The following TFEC variants were observed in gnomAD, a reference collection of about 807,000 sequenced individuals.
TFEC encodes class E basic helix-loop-helix protein 34.
TFEC carries 31 observed loss-of-function variants against 41.6 expected under a neutral mutation model. The ratio of observed to expected loss-of-function variants is 0.74; its 90% CI spans 0.56 to 1.01. The LOEUF is 1.01. Among genes scored for constraint, TFEC ranks in the 50% least tolerant of loss-of-function variants. The pLI is 0.00. For synonymous variants in TFEC, 143 were observed against 140.6 expected (o/e 1.02, Z -0.12); for missense variants, 402 against 404.1 (o/e 0.99, Z 0.04).
At chr7:116,026,448 T>C (rs1384320050) in intron 1 of TFEC, among the ~76,000 whole-genome samples, 2 of 152,234 alleles carry the variant, frequency 1.3e-5, no homozygotes, top group Non-Finnish European at 2.9e-5. Flanking sequence ...GCATACCTTA[T>C]CCATCTTAGC....
At chr7:116,094,269 A>G (rs964469562) in intron 3 of TFEC, among the ~76,000 whole-genome samples, 1 of 152,196 alleles carries the variant, frequency 6.6e-6, no homozygotes, top group Non-Finnish European at 1.5e-5. Flanking sequence ...GCATAAGACC[A>G]ACAGCTGTTA....
chr7:115,981,364 T>G (rs184057224), intron 2 of TFEC, among the ~76,000 whole-genome samples: 80 of 152,286 alleles, frequency 5.3e-4, no homozygotes, highest in Admixed American at 1.7e-3. Context: ...GTTTCTAGAA[T>G]ACCTTGATTT....
chr7:115,982,676 C>T (rs888620250), intron 2 of TFEC, among the ~76,000 whole-genome samples: 2 of 152,030 alleles, frequency 1.3e-5, no homozygotes, highest in Non-Finnish European at 1.5e-5. Context: ...TTGTCTATAG[C>T]CATTGTTCGT....
chr7:116,074,437 A>T (rs1796907575), intron 3 of TFEC, among the ~76,000 whole-genome samples: 1 of 152,154 alleles, frequency 6.6e-6, no homozygotes, highest in Non-Finnish European at 1.5e-5. Flanking sequence ...CCCATTAAAA[A>T]TGGGCAAAGG....
At chr7:115,981,857 A>G (rs1793645800) in intron 2 of TFEC, among the ~76,000 whole-genome samples, 1 of 152,074 alleles carries the variant, frequency 6.6e-6, no homozygotes, top group Admixed American at 6.6e-5. Context: ...TAAGAAGGAG[A>G]GCCCCGCCAC....
chr7:115,984,545 G>A, intron 1 of TFEC, 32 bp from the exon 2 acceptor site: 1 of 1,601,602 alleles, frequency 6.2e-7, no homozygotes, highest in Non-Finnish European at 8.5e-7. Flanking sequence ...AATACAATGT[G>A]CAGCATCAGC....
intron 1 of TFEC, among the ~76,000 whole-genome samples, chr7:116,112,782 C>G (rs17138312): frequency 0.029 from 4,351 of 151,854 alleles, 229 homozygotes; most frequent in African/African-American, 0.099. Context: ...TAGGTAATAA[C>G]GGATCAGCAA....
intron 1 of TFEC, among the ~76,000 whole-genome samples, chr7:116,140,150 A>C (rs1255819303): frequency 6.6e-6 from 1 of 152,206 alleles, no homozygotes; most frequent in African/African-American, 2.4e-5. Context: ...TATTAAAACA[A>C]TCTAAGGTTT....
intron 3 of TFEC, among the ~76,000 whole-genome samples, chr7:116,039,802 A>C (rs1795993416): frequency 6.6e-6 from 1 of 152,040 alleles, no homozygotes; most frequent in Non-Finnish European, 1.5e-5. Flanking sequence ...ATTTTGAGTT[A>C]TTTTATTCTT....
At chr7:116,063,100 G>GA (rs1466900275) in intron 3 of TFEC, among the ~76,000 whole-genome samples, 1 of 152,138 alleles carries the variant, frequency 6.6e-6, no homozygotes, top group Non-Finnish European at 1.5e-5. Context: ...AATAAAACAG[G>GA]AATGTACTAT....
intron 1 of TFEC, among the ~76,000 whole-genome samples, chr7:116,138,396 A>G (rs1798475818): frequency 1.3e-5 from 2 of 152,178 alleles, no homozygotes; most frequent in South Asian, 4.1e-4. Flanking sequence ...AGATGTCCCC[A>G]GTACGTCACA....
chr7:115,986,749 GGGCCTGTTGTGGGGTGGGGGGAGGGGGGA>G (rs1793875101), intron 1 of TFEC, among the ~76,000 whole-genome samples: 1 of 125,824 alleles, frequency 7.9e-6, no homozygotes, highest in Non-Finnish European at 1.6e-5. Context: ...TCACACACCA[GGGCCTGTTGTGGGGTGGGGGGAGGGGGGA>G]GGGATAGCAT....
intron 3 of TFEC, among the ~76,000 whole-genome samples, chr7:116,036,115 C>T (rs949985950): frequency 1.3e-5 from 2 of 151,882 alleles, no homozygotes; most frequent in East Asian, 1.9e-4. Context: ...ACTGTATTGT[C>T]GATTATTTTG....
chr7:116,100,813 G>A (rs967657387), intron 3 of TFEC, among the ~76,000 whole-genome samples: 1 of 151,952 alleles, frequency 6.6e-6, no homozygotes, highest in Non-Finnish European at 1.5e-5. Flanking sequence ...TCTGCCCTAT[G>A]GCAAGGGTCT....
intron 3 of TFEC, among the ~76,000 whole-genome samples, chr7:116,069,068 A>G (rs1236344863): frequency 6.6e-6 from 1 of 151,734 alleles, no homozygotes; most frequent in Non-Finnish European, 1.5e-5. Flanking sequence ...TTTTCAGCTA[A>G]TATGTTGAAC....
intron 1 of TFEC, among the ~76,000 whole-genome samples, chr7:116,115,636 T>A (rs1405899711): frequency 6.6e-6 from 1 of 151,940 alleles, no homozygotes; most frequent in African/African-American, 2.4e-5. Context: ...CACCTCAACA[T>A]CCTTAACTTA....
chr7:115,968,257 T>G, intron 3 of TFEC: 1 of 1,530,056 alleles, frequency 6.5e-7, no homozygotes, highest in Non-Finnish European at 8.7e-7. Flanking sequence ...TCATTTTCTT[T>G]TCCTTAAACT....
chr7:116,057,198 A>G (rs555999705), intron 3 of TFEC, among the ~76,000 whole-genome samples: 6 of 152,190 alleles, frequency 3.9e-5, no homozygotes, highest in South Asian at 2.1e-4. Context: ...TCTAAAATGT[A>G]TATCATTACA....
chr7:116,094,737 A>G (rs186203597), intron 3 of TFEC, among the ~76,000 whole-genome samples: 5 of 152,252 alleles, frequency 3.3e-5, no homozygotes, highest in Non-Finnish European at 5.9e-5. Context: ...AAAAAAACAG[A>G]GTACATTGAG....
Sources: allele counts gnomAD v4.1 joint callset (sites outside exome capture counted in the v4.1 genomes callset), GRCh38; gene constraint gnomAD v4.1.1; transcripts MANE v1.5; gene names NCBI Gene and HGNC (gene_info 2026-07-23, HGNC 2026-07-21).